The following ZNF541 variants were observed in gnomAD, a reference collection of about 807,000 sequenced individuals.
The protein encoded by ZNF541 is zinc finger protein 541.
Under a neutral mutation model 123.5 loss-of-function variants are expected in ZNF541, and 23 were observed. That is an observed-to-expected ratio of 0.19 (90% confidence interval 0.13 to 0.26). The LOEUF (loss-of-function observed/expected upper bound fraction) is 0.26. Among genes scored for constraint, ZNF541 ranks in the 10% least tolerant of loss-of-function variants. The probability of loss-of-function intolerance (pLI) is 1.00; values close to 1 mark genes in which losing one functional copy is unlikely to be tolerated. For missense variants in ZNF541, 1,612 were observed against 1,789.9 expected, an observed-to-expected ratio of 0.90 and a Z score of 1.79; for synonymous variants, 751 against 754.5, an observed-to-expected ratio of 1.00 and a Z score of 0.08.
chr19:47,544,335 C>G lies in ZNF541; in HGVS notation c.2194G>C (p.Glu732Gln), dbSNP rs1970214533. ...NGAASRITKG[E>Q]KGPACSRGGG... ...CCCCGGGAGCAGGCTGGGCCCTTTT[C>G]ACCTTTTGTGATCCTTGAAGCCGCG... Residue 732 changes from glutamate (E) to glutamine (Q), a missense_variant, in exon 5 of 17, where the codon GAA becomes CAA. This residue lies in a region of ZNF541 where 1,080 missense variants were observed against 1,013.8 expected (regional missense o/e 1.07). Coordinates refer to ENST00000391901, the MANE Select transcript of ZNF541 (RefSeq NM_001277075.3). The G allele has an allele frequency of 6.4e-6, 10 of 1,551,654 alleles. No homozygotes were observed. Among genetic ancestry groups the G allele is most frequent in the Non-Finnish European group, 8.7e-6 (10 of 1,146,998 alleles).
intron 4 of ZNF541, among the ~76,000 whole-genome samples, chr19:47,546,400 T>G (rs113566045): frequency 0.12 from 17,902 of 151,926 alleles, 1,190 homozygotes; most frequent in East Asian, 0.22. Context: ...TCCCAGCTAC[T>G]GGGGAAGCTG....
chr19:47,544,267 G>A lies in ZNF541; in HGVS notation c.2262C>T (p.Phe754=), dbSNP rs1363764834. ...TCGCCTTCTCTTTCCGGAAGCCGGA[G>A]AATCGCGGGGCCCTGGGGTTGCCCA... The part of the protein sequence containing the change: ...RLLGNPRAPR[F]SGFRKEKAKM... The change falls in exon 5 of 17, where the codon TTC becomes TTT. Residue 754 remains phenylalanine, a synonymous_variant. Transcript: ENST00000391901. 2.6e-6 allele frequency: 4 copies of A among 1,551,474 alleles called. No individual in the cohort carries two copies. The highest frequency in any genetic ancestry group is 1.7e-4 in the Middle Eastern group (1 of 6,012).
intron 13 of ZNF541, among the ~76,000 whole-genome samples, 159 bp from the exon 14 acceptor site, chr19:47,529,197 C>T (rs988515927): frequency 6.6e-6 from 1 of 152,156 alleles, no homozygotes; most frequent in East Asian, 1.9e-4. Context: ...AGGGAGGGAC[C>T]ACTACTAGCC....
intron 9 of ZNF541, among the ~76,000 whole-genome samples, chr19:47,535,940 A>G (rs1969798877): frequency 6.6e-6 from 1 of 152,218 alleles, no homozygotes; most frequent in African/African-American, 2.4e-5. Context: ...AGAGCCCTGA[A>G]CAGAGATTTA....
intron 2 of ZNF541, among the ~76,000 whole-genome samples, chr19:47,560,286 A>T (rs777467762): frequency 6.6e-6 from 1 of 152,108 alleles, no homozygotes; most frequent in Non-Finnish European, 1.5e-5. Context: ...AAAGGCTTTG[A>T]AAAAATGAGC....
At chr19:47,555,509 G>T in intron 3 of ZNF541, 41 bp downstream of exon 3, 1 of 1,481,760 alleles carries the variant, frequency 6.7e-7, no homozygotes, top group South Asian at 1.4e-5. Flanking sequence ...AGAAACTGTC[G>T]AACATCCTGC....
chr19:47,543,221 T>C lies in ZNF541; in HGVS notation c.2403+905A>G, dbSNP rs1389257323. Among the ~76,000 whole-genome samples, 8 of 152,298 alleles carry C rather than the reference T, an allele frequency of 5.3e-5. No homozygotes were observed. The East Asian group carries it at 1.2e-3, about 22-fold the overall frequency. On this transcript the variant is annotated intron_variant, in intron 5 of 16. Coordinates refer to ENST00000391901, the MANE Select transcript of ZNF541 (RefSeq NM_001277075.3). ...TGGTATGATGGGAAGCTACTCATCC[T>C]CCTGAGTAGCTGGGACCACAGGCGT...
chr19:47,569,714 CA>C (rs1423242652), intron 2 of ZNF541, among the ~76,000 whole-genome samples: 2 of 151,412 alleles, frequency 1.3e-5, no homozygotes, highest in Non-Finnish European at 2.9e-5. Context: ...CCCATCTCTA[CA>C]AAAAAAATCA....
In ZNF541 at chr19:47,555,645, T is replaced by C. The variant is rs1568513762; in HGVS notation, c.212A>G (p.Asn71Ser). The C allele has an allele frequency of 6.4e-7, 1 of 1,551,552 alleles. No homozygotes were observed. The highest frequency in any genetic ancestry group is 8.7e-7 in the Non-Finnish European group (1 of 1,147,000). ...PDMSSEVLED[N>S]LDTLSLYSGK... ...GGAGTACAGGGACAAGGTGTCTAAG[T>C]TGTCCTCCAGCACCTCGCTGGACAT... The change falls in exon 3 of 17, where the codon AAC (asparagine) becomes AGC (serine). Residue 71 changes from asparagine (N) to serine (S), a missense_variant. By Grantham distance (46) the Asn-to-Ser change is conservative. Coordinates refer to ENST00000391901, the MANE Select transcript of ZNF541 (RefSeq NM_001277075.3).
intron 14 of ZNF541, among the ~76,000 whole-genome samples, chr19:47,528,229 C>A (rs188160680): frequency 1.4e-5 from 2 of 142,700 alleles, no homozygotes; most frequent in Non-Finnish European, 3.1e-5. Flanking sequence ...GCAGGAGAAT[C>A]GCTTGAACCC....
Position 47,521,571 on chromosome 19 carries a change from G to T in ZNF541, c.3795C>A (p.Leu1265=). The change falls in exon 16 of 17, where the codon CTC becomes CTA. Residue 1265 remains leucine (L), a synonymous_variant. Coordinates refer to ENST00000391901, the MANE Select transcript of ZNF541 (RefSeq NM_001277075.3). The surrounding 1 kb of genome is among the most constrained non-coding windows in gnomAD (Gnocchi z 4.2). ...TGGAGCCTGCATTTGGGCTGGAGCT[G>T]AGGATGGACTCCCTCCTATAACTCT... is the stretch of plus-strand genomic sequence containing the variant. ...KTKSYRRESI[L]SSSPNAGSKR... is the part of the protein sequence containing the mutation. 2 of 1,551,726 alleles carry T rather than the reference G, an allele frequency of 1.3e-6. No individual in the cohort carries two copies. Among genetic ancestry groups the T allele is most frequent in the Non-Finnish European group, 1.7e-6 (2 of 1,146,980 alleles).
At chr19:47,567,539 C>A (rs183843444) in intron 2 of ZNF541, among the ~76,000 whole-genome samples, 5 of 152,242 alleles carry the variant, frequency 3.3e-5, no homozygotes, top group Non-Finnish European at 7.3e-5. Context: ...GGATTACAGG[C>A]GTGCGCCACC....
In ZNF541 at chr19:47,549,443, C is replaced by A; in HGVS notation, c.350G>T (p.Gly117Val). 1 of 1,551,710 alleles carries A rather than the reference C, an allele frequency of 6.4e-7. No homozygotes were observed. Among genetic ancestry groups the A allele is most frequent in the Non-Finnish European group, 8.7e-7 (1 of 1,147,012 alleles). The change falls in exon 4 of 17, where the codon GGA becomes GTA. Residue 117 changes from glycine (G) to valine (V), a missense_variant. Coordinates refer to ENST00000391901, the MANE Select transcript of ZNF541 (RefSeq NM_001277075.3). ...GGCACTCCCCGAGGTGGCCCTTCCT[C>A]CTTCGTCAGCCTCTTTAGCCTTAAG... ...GVLKAKEADE[G>V]GRATSGSARK...
chr19:47,547,571 C>T (rs895555789), intron 4 of ZNF541, among the ~76,000 whole-genome samples: 1 of 152,114 alleles, frequency 6.6e-6, no homozygotes, highest in Non-Finnish European at 1.5e-5. Context: ...AAGTTCTACC[C>T]CCAGCTATTA....
chr19:47,541,060 G>T, intron 5 of ZNF541, 109 bp from the exon 6 acceptor site: 1 of 1,003,514 alleles, frequency 1.0e-6, no homozygotes, highest in Non-Finnish European at 1.4e-6. Context: ...CATGACCTTG[G>T]ATTAGACAGT....
At chr19:47,525,041 T>C (rs977466741) in intron 14 of ZNF541, among the ~76,000 whole-genome samples, 6 of 152,050 alleles carry the variant, frequency 3.9e-5, no homozygotes, top group Non-Finnish European at 7.4e-5. Context: ...TCCCAGCACT[T>C]TGGGAGGCTG....
chr19:47,567,584 G>A (rs1027481104), intron 2 of ZNF541, among the ~76,000 whole-genome samples: 2 of 152,178 alleles, frequency 1.3e-5, no homozygotes, highest in African/African-American at 2.4e-5. Context: ...AGGTACAAGC[G>A]GCTAATGGCT....
In ZNF541 at chr19:47,543,407, T is replaced by C. The variant is rs377256801; in HGVS notation, c.2403+719A>G. 3.3e-5 allele frequency among the ~76,000 whole-genome samples: 5 copies of C among 152,260 alleles called. No individual in the cohort carries two copies. In the East Asian group the frequency reaches 9.7e-4, roughly 29 times the overall value. On this transcript the variant is annotated intron_variant, in intron 5 of 16. Coordinates refer to ENST00000391901, the MANE Select transcript of ZNF541 (RefSeq NM_001277075.3). ...AACCAGTGAATAATTATCAATGTGCTTAAGTGTGGGGCACGATGCAGGTGC... is the reference window on the plus strand; with the variant it reads ...AACCAGTGAATAATTATCAATGTGCCTAAGTGTGGGGCACGATGCAGGTGC...
intron 10 of ZNF541, among the ~76,000 whole-genome samples, chr19:47,532,603 C>A (rs1176353031): frequency 6.6e-6 from 1 of 152,116 alleles, no homozygotes; most frequent in Admixed American, 6.5e-5. Context: ...ATGCTTGAGT[C>A]CCACTCTGTG....
Sources: gnomAD v4.1 joint callset for allele counts (sites outside exome capture counted in the v4.1 genomes callset) on GRCh38, gnomAD v4.1.1 for gene constraint, gnomAD v4.1.1 regional missense constraint, Gnocchi (gnomAD v3.1) non-coding constraint, MANE v1.5 for transcripts, NCBI Gene and HGNC (gene_info 2026-07-23, HGNC 2026-07-21) for gene names.